The following AMN1 variants were observed in gnomAD, a reference collection of about 807,000 sequenced individuals.
AMN1 encodes the protein antagonist of mitotic exit network 1 homolog, also known as protein AMN1 homolog.
AMN1 carries 20 observed loss-of-function variants against 33.0 expected under a neutral mutation model. The ratio of observed to expected loss-of-function variants is 0.61; its 90% CI spans 0.43 to 0.88. The LOEUF is 0.88. Among genes scored for constraint, AMN1 ranks in the 40% least tolerant of loss-of-function variants. The pLI, the probability that AMN1 is intolerant of heterozygous loss-of-function variation, is 0.00. For synonymous variants in AMN1, 114 were observed against 111.9 expected (o/e 1.02, Z -0.12); for missense variants, 246 against 307.4 (o/e 0.80, Z 1.49).
chr12:31,697,153 A>T (rs927788093), intron 5 of AMN1, among the ~76,000 whole-genome samples: 20 of 152,158 alleles, frequency 1.3e-4, no homozygotes, highest in Non-Finnish European at 1.9e-4. Context: ...CTTTTATTGG[A>T]AGTAAAATGA....
At chr12:31,719,182 A>G (rs938901878) in intron 1 of AMN1, 6 of 206,444 alleles carry the variant, frequency 2.9e-5, no homozygotes, top group African/African-American at 1.4e-4. Context: ...GGCTGCAGTC[A>G]CTGTTCAACC....
At chr12:31,706,064 G>C (rs574006483) in intron 2 of AMN1, among the ~76,000 whole-genome samples, 1 of 152,196 alleles carries the variant, frequency 6.6e-6, no homozygotes, top group East Asian at 1.9e-4. Context: ...TGTAATCCCA[G>C]CACTTTGGGA....
Position 31,697,863 on chromosome 12 carries a change from T to C in AMN1, c.411A>G (p.Ala137=). 6.2e-7 allele frequency: 1 copy of C among 1,614,008 alleles called. No homozygotes were observed. The highest frequency in any genetic ancestry group is 8.5e-7 in the Non-Finnish European group (1 of 1,179,892). ...NLTDEGVVAL[A]LNCQLLKIID... is the part of the protein sequence containing the mutation. ...TGATCTTTAGCAGCTGGCAATTGAG[T>C]GCAAGAGCAACGACTCCTTCGTCAG... The change falls in exon 4 of 7, where the codon GCA becomes GCG. Residue 137 remains alanine (A), a synonymous_variant. Coordinates refer to ENST00000281471, the MANE Select transcript of AMN1 (RefSeq NM_001113402.2).
intron 6 of AMN1, chr12:31,672,595 T>TAA (rs544618868): frequency 1.2e-3 from 362 of 311,366 alleles, no homozygotes; most frequent in South Asian, 2.2e-3. Flanking sequence ...ATTACTTGTT[T>TAA]AAAAAAAAAA....
Position 31,689,002 on chromosome 12 carries a change from C to G in AMN1, c.703+5G>C. 6.3e-7 allele frequency: 1 copy of G among 1,598,712 alleles called. No homozygotes were observed. The highest frequency in any genetic ancestry group is 8.6e-7 in the Non-Finnish European group (1 of 1,167,380). Reference sequence around the variant, plus strand: ...ATTTGAACCCAAGCAATCTATTGCACTAACCTGTTATCAAGGGGCATCCAT... The same window carrying G: ...ATTTGAACCCAAGCAATCTATTGCAGTAACCTGTTATCAAGGGGCATCCAT... On this transcript the variant is annotated splice_donor_5th_base_variant and intron_variant, in intron 6 of 6. Transcript: ENST00000281471.
intron 1 of AMN1, among the ~76,000 whole-genome samples, chr12:31,723,132 T>G (rs1939935315): frequency 6.6e-6 from 1 of 152,030 alleles, no homozygotes; most frequent in Non-Finnish European, 1.5e-5. Context: ...CACTCCAGCC[T>G]GGGCAACAGA....
In AMN1 at chr12:31,671,621, G is replaced by T. The variant is rs1053747391; in HGVS notation, c.*683C>A. 2 of 152,098 alleles carry T rather than the reference G, an allele frequency of 1.3e-5. No individual in the cohort carries two copies. Among genetic ancestry groups the T allele is most frequent in the African/African-American group, 2.4e-5 (1 of 41,408 alleles). The allele number at this position is 152,098 out of a possible 1,614,324, so 9.4% of individuals were successfully genotyped here. ...TATTTACTCATTTTTACACATTTTT[G>T]AATGCAATTTTGCTAAGGAAGGAAA... On this transcript the variant is annotated 3_prime_UTR_variant, in exon 7 of 7. Coordinates refer to ENST00000281471, the MANE Select transcript of AMN1 (RefSeq NM_001113402.2).
rs756388522 is a variant in AMN1, at chr12:31,697,787, CT to C, written c.486del (p.Gly163GlufsTer22). On this transcript the variant is annotated frameshift_variant, in exon 4 of 7. Transcript: ENST00000281471. LOFTEE classifies it high-confidence loss of function. ...CACTGCAAAAATGGGCAGTTTTTTC[CT>C]AATGCATGTAAGGACACATCAGTAA... ...LSITDVSLHA[L>X]GKNCPFLQCV... 1.2e-6 allele frequency: 2 copies of C among 1,613,954 alleles called. No individual in the cohort carries two copies. Among genetic ancestry groups the C allele is most frequent in the Non-Finnish European group, 1.7e-6 (2 of 1,179,880 alleles).
intron 1 of AMN1, among the ~76,000 whole-genome samples, chr12:31,717,397 G>A (rs1326359049): frequency 6.6e-6 from 1 of 152,170 alleles, no homozygotes; most frequent in East Asian, 1.9e-4. Context: ...GAATAGTGCT[G>A]CAATAAACAT....
intron 3 of AMN1, among the ~76,000 whole-genome samples, chr12:31,698,738 G>T (rs1938847896): frequency 1.3e-5 from 2 of 150,614 alleles, no homozygotes; most frequent in Non-Finnish European, 2.9e-5. Context: ...TCTTAAGAAA[G>T]AACTTTTTTT....
chr12:31,678,362 CAAG>C lies in AMN1; in HGVS notation c.704-5988_704-5986del, dbSNP rs557780571. Among the ~76,000 whole-genome samples the C allele has an allele frequency of 1.9e-4, 28 of 150,802 alleles. No individual in the cohort carries two copies. In the East Asian group the frequency reaches 3.5e-3, roughly 19 times the overall value. ...TTCATGGCAGGAGCACTTGGAACAC[CAAG>C]AAGAAGAAGAAACTATGGGAAATAC... is the stretch of plus-strand genomic sequence containing the variant. On this transcript the variant is annotated intron_variant, in intron 6 of 6. Coordinates refer to ENST00000281471, the MANE Select transcript of AMN1 (RefSeq NM_001113402.2).
At chr12:31,718,181 A>G (rs1393528290) in intron 1 of AMN1, among the ~76,000 whole-genome samples, 2 of 151,320 alleles carry the variant, frequency 1.3e-5, no homozygotes, top group Non-Finnish European at 2.9e-5. Flanking sequence ...AATCTCTGCT[A>G]TTCTTTCTTC....
chr12:31,693,027 T>C (rs1175427151), intron 5 of AMN1, among the ~76,000 whole-genome samples: 1 of 152,210 alleles, frequency 6.6e-6, no homozygotes, highest in East Asian at 1.9e-4. Context: ...CTAAATGCTG[T>C]AACATAAGTT....
At chr12:31,700,111 C>T (rs1051882809) in intron 3 of AMN1, among the ~76,000 whole-genome samples, 1 of 151,254 alleles carries the variant, frequency 6.6e-6, no homozygotes, top group Non-Finnish European at 1.5e-5. Flanking sequence ...ACACAGTTTT[C>T]CAGAATTCTA....
intron 1 of AMN1, among the ~76,000 whole-genome samples, chr12:31,728,442 G>A (rs2139743045): frequency 1.3e-5 from 2 of 152,286 alleles, no homozygotes; most frequent in East Asian, 3.9e-4. Context: ...AAGAACCTAG[G>A]CACAGGGAGA....
intron 1 of AMN1, among the ~76,000 whole-genome samples, chr12:31,728,637 TTG>T (rs1411521386): frequency 3.9e-5 from 6 of 152,198 alleles, no homozygotes. Flanking sequence ...TCATCTAGCG[TTG>T]TGTTTTTTTC....
chr12:31,675,135 T>C (rs1194041617), intron 6 of AMN1, among the ~76,000 whole-genome samples: 2 of 149,460 alleles, frequency 1.3e-5, no homozygotes, highest in Non-Finnish European at 2.9e-5. Flanking sequence ...AACCCATAGA[T>C]GGCAGGATGC....
intron 2 of AMN1, among the ~76,000 whole-genome samples, chr12:31,707,781 T>C (rs905542581): frequency 6.6e-6 from 1 of 152,122 alleles, no homozygotes; most frequent in Non-Finnish European, 1.5e-5. Context: ...ACTGAGACAA[T>C]GGTAGAAGAT....
chr12:31,716,612 CTTT>C (rs1258991474), intron 1 of AMN1, among the ~76,000 whole-genome samples: 1 of 152,140 alleles, frequency 6.6e-6, no homozygotes, highest in African/African-American at 2.4e-5. Flanking sequence ...ACACATTCAT[CTTT>C]TTATTGTCTG....
Sources: allele counts gnomAD v4.1 joint callset (sites outside exome capture counted in the v4.1 genomes callset), GRCh38; gene constraint gnomAD v4.1.1; transcripts MANE v1.5; gene names NCBI Gene and HGNC (gene_info 2026-07-23, HGNC 2026-07-21).